The following ZNF14 variants were observed in gnomAD, a reference collection of about 807,000 sequenced individuals.
ZNF14 encodes gonadotropin inducible transcription repressor-4.
ZNF14 carries 9 observed loss-of-function variants against 11.3 expected under a neutral mutation model. The observed-to-expected ratio is 0.80, with a 90% CI of 0.48 to 1.39. The LOEUF (loss-of-function observed/expected upper bound fraction) is 1.39, where lower values mean the gene tolerates loss of function less well. Ranked by LOEUF, ZNF14 falls within the 40% of genes most tolerant of loss-of-function variation. ZNF14 has a pLI of 0.00. For synonymous variants in ZNF14, 239 were observed against 245.7 expected (o/e 0.97, Z 0.25); for missense variants, 711 against 763.9 (o/e 0.93, Z 0.82).
intron 3 of ZNF14, among the ~76,000 whole-genome samples, chr19:19,713,783 A>G (rs936971612): frequency 1.8e-4 from 23 of 130,810 alleles, no homozygotes; most frequent in African/African-American, 4.7e-4. Flanking sequence ...AGGTCTTGCT[A>G]TATTACCCAG....
intron 3 of ZNF14, among the ~76,000 whole-genome samples, chr19:19,713,364 G>A (rs2062367960): frequency 6.6e-6 from 1 of 152,052 alleles, no homozygotes; most frequent in Admixed American, 6.5e-5. Context: ...ACAGCTCACT[G>A]AAGCCTTGAA....
intron 3 of ZNF14, 109 bp from the exon 4 acceptor site, chr19:19,713,198 G>A: frequency 1.0e-5 from 10 of 999,024 alleles, no homozygotes; most frequent in Admixed American, 8.8e-5. Flanking sequence ...TAGGATATCT[G>A]CCCTGTCTGA....
intron 1 of ZNF14, among the ~76,000 whole-genome samples, chr19:19,721,004 T>C (rs961292646): frequency 6.6e-6 from 1 of 152,166 alleles, no homozygotes; most frequent in African/African-American, 2.4e-5. Context: ...GTCACTCAGG[T>C]TGGAGCGCAG....
intron 1 of ZNF14, among the ~76,000 whole-genome samples, chr19:19,721,962 C>CA (rs36021998): frequency 0.021 from 2,238 of 107,078 alleles, 18 homozygotes; most frequent in East Asian, 0.036. Flanking sequence ...GACTCAGTCT[C>CA]AAAAAAAAAA....
Position 19,711,381 on chromosome 19 carries a change from C to A in ZNF14, c.1900G>T (p.Glu634Ter). The A allele has an allele frequency of 1.3e-6, 2 of 1,574,550 alleles. No homozygotes were observed. Among genetic ancestry groups the A allele is most frequent in the South Asian group, 1.2e-5 (1 of 83,520 alleles). ...FISSSHFRLH[E>*]RTHMGEKV is the part of the protein sequence containing the mutation. ...ACTTTCTCTCCCATATGAGTCCTTTCATGCAGTCGAAAGTGACTGGAAGAA... is the reference window on the plus strand; with the variant it reads ...ACTTTCTCTCCCATATGAGTCCTTTAATGCAGTCGAAAGTGACTGGAAGAA... The change falls in exon 4 of 4, where the codon GAA (glutamate) becomes TAA (stop). Residue 634 changes from glutamate (E) to a stop codon, truncating the protein, a stop_gained. Transcript: ENST00000344099. LOFTEE classifies it low-confidence loss of function (END_TRUNC).
At chr19:19,717,954 A>C (rs1041308627) in intron 1 of ZNF14, among the ~76,000 whole-genome samples, 11 of 152,214 alleles carry the variant, frequency 7.2e-5, no homozygotes, top group African/African-American at 2.7e-4. Context: ...AAGCAAGGAC[A>C]TCAAAGGAAA....
At chr19:19,731,575 C>CA (rs530331113) in intron 1 of ZNF14, among the ~76,000 whole-genome samples, 23 of 149,310 alleles carry the variant, frequency 1.5e-4, no homozygotes, top group Non-Finnish European at 2.8e-4. Context: ...GATTCCATCT[C>CA]AAAAAAAAGA....
At position 19,711,927 on chromosome 19, in the gene ZNF14, A is replaced by T; in HGVS notation, c.1354T>A (p.Cys452Ser). The T allele has an allele frequency of 6.2e-7, 1 of 1,614,012 alleles. No individual in the cohort carries two copies. The highest frequency in any genetic ancestry group is 1.1e-5 in the South Asian group (1 of 91,080). ...NAEKPYECKQ[C>S]GKAFRCSSYF... The stretch of plus-strand genomic sequence containing the variant: ...CTTGAACACCTGAAGGCTTTCCCAC[A>T]CTGTTTACATTCATAGGGTTTCTCT... Residue 452 changes from cysteine to serine, a missense_variant, in exon 4 of 4, where the codon TGT (cysteine) becomes AGT (serine). Cys to Ser is a moderately radical substitution (Grantham distance 112). Coordinates refer to ENST00000344099, the MANE Select transcript of ZNF14 (RefSeq NM_021030.3).
intron 1 of ZNF14, among the ~76,000 whole-genome samples, chr19:19,732,536 G>C (rs911880498): frequency 1.3e-5 from 2 of 152,180 alleles, no homozygotes; most frequent in Non-Finnish European, 2.9e-5. Flanking sequence ...ACCTGACCCC[G>C]GCAGCAAGGA....
chr19:19,715,458 CTG>C (rs750182710), intron 1 of ZNF14, among the ~76,000 whole-genome samples: 1 of 152,206 alleles, frequency 6.6e-6, no homozygotes, highest in East Asian at 1.9e-4. Context: ...ATCCAAAGAA[CTG>C]AGCCCCAAAC....
chr19:19,712,094 C>T lies in ZNF14; in HGVS notation c.1187G>A (p.Cys396Tyr). 4 of 1,613,434 alleles carry T rather than the reference C, an allele frequency of 2.5e-6. No individual in the cohort carries two copies. In the South Asian group the frequency reaches 3.3e-5, roughly 13 times the overall value. The change falls in exon 4 of 4, where the codon TGT (cysteine) becomes TAT (tyrosine). Residue 396 changes from cysteine (C) to tyrosine (Y), a missense_variant. Transcript: ENST00000344099. ...TGEKPYECKQ[C>Y]HKTFSFSSSL... ...ACTTGAAAAACTGAAGGTTTTATGA[C>T]ACTGTTTACACTCATAAGGTTTCTC...
chr19:19,713,656 C>T (rs1002496640), intron 3 of ZNF14, among the ~76,000 whole-genome samples: 7 of 151,726 alleles, frequency 4.6e-5, no homozygotes, highest in Non-Finnish European at 5.9e-5. Context: ...GCCATGTTGG[C>T]CAGGCTGGTC....
At chr19:19,729,212 G>A (rs952661499) in intron 1 of ZNF14, among the ~76,000 whole-genome samples, 4 of 151,960 alleles carry the variant, frequency 2.6e-5, no homozygotes, top group African/African-American at 9.7e-5. Flanking sequence ...TCCTAACCTC[G>A]TGATCCACCC....
At position 19,710,687 on chromosome 19, in the gene ZNF14, A is replaced by G. The variant is rs1599466476; in HGVS notation, c.*665T>C. 6.5e-6 allele frequency: 1 copy of G among 152,720 alleles called. No homozygotes were observed. Among genetic ancestry groups the G allele is most frequent in the African/African-American group, 2.4e-5 (1 of 41,432 alleles). The allele number at this position is 152,720 out of a possible 1,614,324, so 9.5% of individuals were successfully genotyped here. A position where few individuals can be genotyped will look rare whatever the true frequency, so the allele number is the denominator to read the frequency against. On this transcript the variant is annotated 3_prime_UTR_variant, in exon 4 of 4. Transcript: ENST00000344099. ...AAAAGGCTGTGTGAAGGCTTTCCCA[A>G]ATGTCTTACATTTATAGACTTTCAC...
At chr19:19,732,890 C>T (rs1038893680) in intron 1 of ZNF14, 66 bp downstream of exon 1, 26 of 1,599,444 alleles carry the variant, frequency 1.6e-5, no homozygotes, top group Non-Finnish European at 2.1e-5. Flanking sequence ...CAAGGAGGTC[C>T]CCGGCCTCGG....
chr19:19,723,301 A>G (rs1294767661), intron 1 of ZNF14, among the ~76,000 whole-genome samples: 2 of 152,140 alleles, frequency 1.3e-5, no homozygotes, highest in Non-Finnish European at 2.9e-5. Flanking sequence ...AGGGCTGTTG[A>G]ATTTTGTTGA....
At chr19:19,713,336 G>A (rs1188693772) in intron 3 of ZNF14, among the ~76,000 whole-genome samples, 2 of 152,176 alleles carry the variant, frequency 1.3e-5, no homozygotes, top group East Asian at 3.8e-4. Context: ...ACCCAGGCTG[G>A]AGTACAGTGG....
Position 19,711,428 on chromosome 19 carries a change from T to C in ZNF14, c.1853A>G (p.Lys618Arg), listed in dbSNP as rs1290309284. ...AGAAATGAAGGCTTTTCCACATTGT[T>C]TGCATTCATAAGGTTTCTCTCCAGT... ...SHTGEKPYEC[K>R]QCGKAFISSS... Residue 618 changes from lysine (K) to arginine (R), a missense_variant, in exon 4 of 4, where the codon AAA becomes AGA. By Grantham distance (26) the Lys-to-Arg change is conservative. Coordinates refer to ENST00000344099, the MANE Select transcript of ZNF14 (RefSeq NM_021030.3). 9 of 1,606,286 alleles carry C rather than the reference T, an allele frequency of 5.6e-6. No individual in the cohort carries two copies. The highest frequency in any genetic ancestry group is 7.6e-6 in the Non-Finnish European group (9 of 1,177,266).
rs1473155401 is a variant in ZNF14 at position 19,711,558 on chromosome 19, G to A, written c.1723C>T (p.Arg575Ter). 15 of 1,613,320 alleles carry A rather than the reference G, an allele frequency of 9.3e-6. No individual in the cohort carries two copies. The highest frequency in any genetic ancestry group is 6.7e-5 in the African/African-American group (5 of 74,844). The change falls in exon 4 of 4, where the codon CGA becomes TGA. Residue 575 changes from arginine (R) to a stop codon, truncating the protein, a stop_gained. Transcript: ENST00000344099. LOFTEE classifies it low-confidence loss of function (END_TRUNC). The part of the protein sequence containing the change: ...GKAFISSSKF[R>*]MHERTHTGEK... ...CCCGTGTGAGTTCTCTCATGCATTC[G>A]AAATTTACTGGAAGAAATGAAGGCT...
Sources: allele counts gnomAD v4.1 joint callset (sites outside exome capture counted in the v4.1 genomes callset), GRCh38; gene constraint gnomAD v4.1.1; transcripts MANE v1.5; gene names NCBI Gene and HGNC (gene_info 2026-07-23, HGNC 2026-07-21).